The following CXCL13 variants were observed in gnomAD, a reference collection of about 807,000 sequenced individuals.
CXCL13 encodes C-X-C motif chemokine 13.
A neutral mutation model predicts 12.2 loss-of-function variants in CXCL13; 7 were observed. That is an observed-to-expected ratio of 0.57 (90% confidence interval 0.33 to 1.07). The LOEUF (loss-of-function observed/expected upper bound fraction) is 1.07. Among genes scored for constraint, CXCL13 ranks in the 50% least tolerant of loss-of-function variants. CXCL13 has a pLI of 0.04. For missense variants in CXCL13, 113 were observed against 127.4 expected (o/e 0.89, Z 0.55); for synonymous variants, 47 against 42.4 (o/e 1.11, Z -0.42).
At chr4:77,600,996 A>G (rs893070798), upstream of CXCL13, among the ~76,000 whole-genome samples, 75 of 152,202 alleles carry the variant, frequency 4.9e-4, 1 homozygote, top group Admixed American at 2.6e-4. Flanking sequence ...GTCAGCACAC[A>G]GGCAGGGTCT....
chr4:77,611,443 A>C lies in CXCL13; in HGVS notation c.*404A>C, dbSNP rs912496722. On this transcript the variant is annotated 3_prime_UTR_variant, in exon 4 of 4. Coordinates refer to ENST00000682537, the MANE Select transcript of CXCL13 (RefSeq NM_001371558.1). Reference sequence around the variant, plus strand: ...TGGCATATATTAAAAGCAGGCTTCTATGAAAGACTCAAAAAGCTGCCTGGG... The same window carrying C: ...TGGCATATATTAAAAGCAGGCTTCTCTGAAAGACTCAAAAAGCTGCCTGGG... 2.6e-6 allele frequency: 1 copy of C among 386,614 alleles called. No individual in the cohort carries two copies. Among genetic ancestry groups the C allele is most frequent in the Admixed American group, 4.4e-5 (1 of 22,498 alleles). 23.9% of individuals were successfully genotyped at this position (386,614 alleles called of 1,614,324 possible). A position where few individuals can be genotyped will look rare whatever the true frequency, so the allele number is the denominator to read the frequency against.
intron 1 of CXCL13, among the ~76,000 whole-genome samples, chr4:77,527,465 C>T (rs1490565210): frequency 1.3e-5 from 2 of 152,058 alleles, no homozygotes; most frequent in Non-Finnish European, 2.9e-5. Flanking sequence ...AACCCCATCT[C>T]TACAGAAAAT....
At chr4:77,607,286 C>A (rs1035255137) in intron 1 of CXCL13, among the ~76,000 whole-genome samples, 3 of 152,152 alleles carry the variant, frequency 2.0e-5, no homozygotes, top group Admixed American at 6.5e-5. Flanking sequence ...ACAAATATAA[C>A]ACTATCACAA....
intron 1 of CXCL13, among the ~76,000 whole-genome samples, chr4:77,564,199 A>C (rs960224227): frequency 6.6e-6 from 1 of 152,242 alleles, no homozygotes; most frequent in African/African-American, 2.4e-5. Context: ...GAGGAAGAGC[A>C]AAGTAGCTTT....
At chr4:77,582,055 GA>G (rs35878258) in intron 1 of CXCL13, among the ~76,000 whole-genome samples, 41,228 of 151,530 alleles carry the variant, frequency 0.27, 5,722 homozygotes, top group South Asian at 0.36. Context: ...GGAAAACATA[GA>G]AAAAAATGGA....
intron 1 of CXCL13, among the ~76,000 whole-genome samples, chr4:77,521,673 G>A (rs1724604560): frequency 1.3e-5 from 2 of 151,956 alleles, no homozygotes; most frequent in South Asian, 2.1e-4. Flanking sequence ...ACAGCTCCTG[G>A]ATTCATTGAT....
At chr4:77,519,348 G>A (rs112062761) in intron 1 of CXCL13, among the ~76,000 whole-genome samples, 17 of 152,260 alleles carry the variant, frequency 1.1e-4, no homozygotes, top group East Asian at 3.9e-4. Flanking sequence ...GAAATCACCC[G>A]TCTTCTGCGT....
At chr4:77,525,298 C>G (rs929554908) in intron 1 of CXCL13, among the ~76,000 whole-genome samples, 1 of 152,194 alleles carries the variant, frequency 6.6e-6, no homozygotes, top group Non-Finnish European at 1.5e-5. Context: ...CTTCAAATAA[C>G]CAGCTCTATA....
upstream of CXCL13, chr4:77,605,803 T>C: frequency 9.5e-7 from 1 of 1,055,356 alleles, no homozygotes; most frequent in Non-Finnish European, 1.4e-6. Context: ...AATAGGAGTC[T>C]CTGGTACTGC....
At chr4:77,596,932 G>A (rs1726783204) in intron 1 of CXCL13, among the ~76,000 whole-genome samples, 1 of 152,106 alleles carries the variant, frequency 6.6e-6, no homozygotes, top group African/African-American at 2.4e-5. Context: ...TGGAAGAACG[G>A]GTAAAGAAAA....
chr4:77,564,982 G>A (rs533904108), intron 1 of CXCL13, among the ~76,000 whole-genome samples: 17 of 152,272 alleles, frequency 1.1e-4, no homozygotes, highest in African/African-American at 4.1e-4. Context: ...GACCCATTTT[G>A]CTTCACAAGC....
chr4:77,516,784 A>AG, intron 1 of CXCL13, among the ~76,000 whole-genome samples: 1 of 152,170 alleles, frequency 6.6e-6, no homozygotes, highest in South Asian at 2.1e-4. Flanking sequence ...AATTTTTTGA[A>AG]GGGTTTTTGT....
At chr4:77,595,255 G>A (rs1726720866) in intron 1 of CXCL13, among the ~76,000 whole-genome samples, 1 of 152,082 alleles carries the variant, frequency 6.6e-6, no homozygotes, top group South Asian at 2.1e-4. Flanking sequence ...AAAACATGTT[G>A]TCTTAGAAAA....
intron 1 of CXCL13, among the ~76,000 whole-genome samples, chr4:77,593,513 G>C (rs996041380): frequency 6.6e-6 from 1 of 152,198 alleles, no homozygotes; most frequent in Non-Finnish European, 1.5e-5. Flanking sequence ...GTCGACTCCA[G>C]AATAAAAGTT....
chr4:77,557,396 G>A (rs1330441476), intron 1 of CXCL13, among the ~76,000 whole-genome samples: 1 of 152,160 alleles, frequency 6.6e-6, no homozygotes, highest in Non-Finnish European at 1.5e-5. Context: ...TTTGGCCTCT[G>A]GAAACTGGAC....
chr4:77,569,572 G>A (rs1229887857), intron 1 of CXCL13, among the ~76,000 whole-genome samples: 1 of 151,952 alleles, frequency 6.6e-6, no homozygotes, highest in African/African-American at 2.4e-5. Context: ...TAACCAGGAA[G>A]GTGAAAGATT....
intron 1 of CXCL13, among the ~76,000 whole-genome samples, chr4:77,513,150 A>G (rs1199932861): frequency 6.6e-6 from 1 of 152,024 alleles, no homozygotes; most frequent in Non-Finnish European, 1.5e-5. Flanking sequence ...ATGGTATTCC[A>G]TGGTGTATAT....
intron 1 of CXCL13, among the ~76,000 whole-genome samples, chr4:77,529,242 G>C (rs1210789771): frequency 1.3e-5 from 2 of 152,168 alleles, no homozygotes; most frequent in African/African-American, 4.8e-5. Flanking sequence ...TTTTGGCTTA[G>C]GATTGACTTG....
chr4:77,583,623 C>T (rs1726388023), intron 1 of CXCL13, among the ~76,000 whole-genome samples: 1 of 152,186 alleles, frequency 6.6e-6, no homozygotes, highest in South Asian at 2.1e-4. Context: ...TTCCCTTGAT[C>T]CCAGAGGCAG....
Sources: gnomAD v4.1 joint callset for allele counts (sites outside exome capture counted in the v4.1 genomes callset) on GRCh38, gnomAD v4.1.1 for gene constraint, MANE v1.5 for transcripts, NCBI Gene and HGNC (gene_info 2026-07-23, HGNC 2026-07-21) for gene names.